TMEM150B: variants seen among roughly 807,000 people sequenced by gnomAD.
The protein encoded by TMEM150B is transmembrane protein 150B.
Under a neutral mutation model 25.2 loss-of-function variants are expected in TMEM150B, and 33 were observed. The observed-to-expected ratio is 1.31, with a 90% CI of 0.99 to 1.75. The LOEUF is 1.75. TMEM150B is among the 40% of genes most tolerant of loss of function. The pLI is 0.00. For missense variants in TMEM150B, 322 were observed against 306.1 expected, an observed-to-expected ratio of 1.05 and a Z score of -0.39; for synonymous variants, 133 against 134.8, an observed-to-expected ratio of 0.99 and a Z score of 0.09.
At chr19:55,313,831 G>A (rs1568996331) in intron 7 of TMEM150B, among the ~76,000 whole-genome samples, 1 of 152,192 alleles carries the variant, frequency 6.6e-6, no homozygotes, top group African/African-American at 2.4e-5. Context: ...GACAGCATTT[G>A]TTTTCTGGAA....
chr19:55,312,703 G>GCCGGCACACAGGTCCT, downstream of TMEM150B: 1 of 710,222 alleles, frequency 1.4e-6, no homozygotes, highest in Non-Finnish European at 2.1e-6. Flanking sequence ...GGCCCTCCGC[G>GCCGGCACACAGGTCCT]CCGGCACACA....
At chr19:55,319,617 G>C (rs1171712568) in intron 6 of TMEM150B, 2 of 405,096 alleles carry the variant, frequency 4.9e-6, no homozygotes, top group Non-Finnish European at 6.7e-6. Context: ...GCTAATTTTT[G>C]TATATTTTAG....
chr19:55,316,887 A>G lies in TMEM150B; in HGVS notation c.404T>C (p.Leu135Pro), dbSNP rs1208326274. Residue 135 changes from leucine to proline, a missense_variant, in exon 7 of 8, where the codon CTC becomes CCC. Coordinates refer to ENST00000326652, the MANE Select transcript of TMEM150B (RefSeq NM_001282011.2). The part of the protein sequence containing the change: ...ILGNVYFWLQ[L>P]LLWRLKRLPQ... ...CAGCCTCTTCAGCCTCCACAGGAGG[A>G]GCTGCAGCCAGAAGTAGACGTTACC... The G allele has an allele frequency of 6.2e-7, 1 of 1,604,476 alleles. No homozygotes were observed. The highest frequency in any genetic ancestry group is 1.3e-5 in the African/African-American group (1 of 74,486).
intron 6 of TMEM150B, 109 bp downstream of exon 6, chr19:55,319,930 C>A: frequency 1.3e-6 from 2 of 1,539,964 alleles, no homozygotes; most frequent in Non-Finnish European, 8.7e-7. Context: ...CCAGGAGGGC[C>A]GGGCGGGAAC....
At chr19:55,316,668 T>C in intron 7 of TMEM150B, 118 bp downstream of exon 7, 1 of 1,116,742 alleles carries the variant, frequency 9.0e-7, no homozygotes. Context: ...CATAATCCTG[T>C]GCAAAGAGTG....
intron 7 of TMEM150B, among the ~76,000 whole-genome samples, chr19:55,314,312 A>G (rs1035942160): frequency 1.3e-5 from 2 of 152,114 alleles, no homozygotes; most frequent in Admixed American, 6.6e-5. Context: ...ATGAGCCACA[A>G]TGCCTGACCG....
At chr19:55,311,737 C>T (rs1163687073), downstream of TMEM150B, among the ~76,000 whole-genome samples, 1 of 152,140 alleles carries the variant, frequency 6.6e-6, no homozygotes. Context: ...GTGTGTCCTC[C>T]GAGTAACCAA....
At position 55,312,902 on chromosome 19, in the gene TMEM150B, C is replaced by T. The variant is rs1004412542; in HGVS notation, c.659G>A (p.Ser220Asn). 1 of 1,604,086 alleles carries T rather than the reference C, an allele frequency of 6.2e-7. No individual in the cohort carries two copies. Among genetic ancestry groups the T allele is most frequent in the African/African-American group, 1.3e-5 (1 of 74,684 alleles). Residue 220 changes from serine (S) to asparagine (N), a missense_variant, in exon 8 of 8, where the codon AGC becomes AAC. By Grantham distance (46) the Ser-to-Asn change is conservative. Coordinates refer to ENST00000326652, the MANE Select transcript of TMEM150B (RefSeq NM_001282011.2). ...TLCVQPWPSL[S>N]PPPASPISLP... ...GGAGATGGGGGAGGCCGGCGGGGGG[C>T]TGAGGCTGGGCCACGGCTGAACACA...
At chr19:55,314,985 C>A (rs1286447120) in intron 7 of TMEM150B, among the ~76,000 whole-genome samples, 2 of 152,094 alleles carry the variant, frequency 1.3e-5, no homozygotes, top group African/African-American at 4.8e-5. Flanking sequence ...GGTTTTCAGC[C>A]CCTCCTTTCT....
At chr19:55,310,343 C>T (rs138322784), downstream of TMEM150B, among the ~76,000 whole-genome samples, 22 of 152,212 alleles carry the variant, frequency 1.4e-4, 1 homozygote, top group Middle Eastern at 3.4e-3. The surrounding 1 kb of genome is among the most constrained non-coding windows in gnomAD (Gnocchi z 5.0). Context: ...AAGCCAGTGA[C>T]GCCATATATC....
intron 7 of TMEM150B, 145 bp downstream of exon 7, chr19:55,316,641 A>C: frequency 1.1e-6 from 1 of 876,614 alleles, no homozygotes; most frequent in Non-Finnish European, 1.6e-6. Context: ...CGAAGTCGGC[A>C]TTCTCGATGA....
In TMEM150B at chr19:55,316,810, C is replaced by T. The variant is rs375594006; in HGVS notation, c.481G>A (p.Val161Ile). 34 of 1,562,336 alleles carry T rather than the reference C, an allele frequency of 2.2e-5. No homozygotes were observed. Among genetic ancestry groups the T allele is most frequent in the Non-Finnish European group, 2.4e-5 (28 of 1,161,496 alleles). ...CTGGCCACAATGAGGATGGTGCAGA[C>T]GCTGCAGAGGCCCAGGCGGAGGGGC... ...IGPLRLGLCS[V>I]CTILIVAMIV... Residue 161 changes from valine (V) to isoleucine (I), a missense_variant, in exon 7 of 8, where the codon GTC becomes ATC. Val to Ile is a conservative substitution (Grantham distance 29). Coordinates refer to ENST00000326652, the MANE Select transcript of TMEM150B (RefSeq NM_001282011.2).
At chr19:55,313,446 G>A (rs1195257416) in intron 7 of TMEM150B, among the ~76,000 whole-genome samples, 1 of 129,250 alleles carries the variant, frequency 7.7e-6, no homozygotes. Context: ...CGCCAGCCTC[G>A]GACTGTGTTT....
chr19:55,324,412 G>A (rs1478582339), intron 1 of TMEM150B, among the ~76,000 whole-genome samples: 3 of 151,910 alleles, frequency 2.0e-5, no homozygotes, highest in African/African-American at 7.3e-5. Flanking sequence ...CACTTTGGGA[G>A]GCCGAGGTGG....
chr19:55,319,673 C>T (rs2089136468), intron 6 of TMEM150B: 1 of 945,532 alleles, frequency 1.1e-6, no homozygotes, highest in African/African-American at 1.8e-5. Flanking sequence ...TGGTCTCAAA[C>T]TCCTCACCTC....
intron 1 of TMEM150B, chr19:55,324,596 C>T: frequency 1.8e-6 from 1 of 553,576 alleles, no homozygotes; most frequent in South Asian, 7.9e-5. Context: ...TGCAGTGAGC[C>T]GAGATCGCAC....
At chr19:55,325,184 T>C (rs889833829) in intron 1 of TMEM150B, 88 bp downstream of exon 1, 1 of 765,052 alleles carries the variant, frequency 1.3e-6, no homozygotes, top group Admixed American at 6.3e-5. Context: ...GGTGCTTATG[T>C]GACCTGCTTG....
chr19:55,316,674 G>T, intron 7 of TMEM150B, 112 bp downstream of exon 7: 1 of 1,153,958 alleles, frequency 8.7e-7, no homozygotes, highest in Non-Finnish European at 1.2e-6. Flanking sequence ...CCTGTGCAAA[G>T]AGTGAGGCCC....
At position 55,313,017 on chromosome 19, in the gene TMEM150B, C is replaced by G; in HGVS notation, c.544G>C (p.Ala182Pro). The G allele has an allele frequency of 1.2e-6, 2 of 1,613,380 alleles. No individual in the cohort carries two copies. Among genetic ancestry groups the G allele is most frequent in the Non-Finnish European group, 1.7e-6 (2 of 1,179,790 alleles). Reference sequence around the variant, plus strand: ...ATGGCCACGACCCACTCGCAGGCCGCAGAGACGCTACGCAGCGAGCAGGCG... The same window carrying G: ...ATGGCCACGACCCACTCGCAGGCCGGAGAGACGCTACGCAGCGAGCAGGCG... ...LHACSLRSVS[A>P]ACEWVVAMLL... Residue 182 changes from alanine (A) to proline (P), a missense_variant, in exon 8 of 8, where the codon GCG becomes CCG. Transcript: ENST00000326652.
Sources: gnomAD v4.1 joint callset for allele counts (sites outside exome capture counted in the v4.1 genomes callset) on GRCh38, gnomAD v4.1.1 for gene constraint, Gnocchi (gnomAD v3.1) non-coding constraint, MANE v1.5 for transcripts, NCBI Gene and HGNC (gene_info 2026-07-23, HGNC 2026-07-21) for gene names.